The following ERC1 variants were observed in gnomAD, a reference collection of about 807,000 sequenced individuals.
ERC1 encodes the protein RAB6 interacting protein 2.
Under a neutral mutation model 132.0 loss-of-function variants are expected in ERC1, and 56 were observed. That is an observed-to-expected ratio of 0.42 (90% CI 0.34 to 0.53). The LOEUF (loss-of-function observed/expected upper bound fraction) is 0.53. Among genes scored for constraint, ERC1 ranks in the 20% least tolerant of loss-of-function variants. The pLI, the probability that ERC1 is intolerant of heterozygous loss-of-function variation, is 0.03. For synonymous variants in ERC1, 478 were observed against 476.1 expected, an observed-to-expected ratio of 1.00 and a Z score of -0.05; for missense variants, 1,202 against 1,349.9, an observed-to-expected ratio of 0.89 and a Z score of 1.72.
intron 2 of ERC1, among the ~76,000 whole-genome samples, chr12:1,078,744 G>A (rs576704422): frequency 2.0e-5 from 3 of 152,186 alleles, no homozygotes; most frequent in African/African-American, 7.2e-5. Context: ...ATAACAAAAT[G>A]GGCAAAGAAC....
chr12:1,178,605 A>G (rs901177928), intron 8 of ERC1, among the ~76,000 whole-genome samples: 1 of 152,154 alleles, frequency 6.6e-6, no homozygotes, highest in African/African-American at 2.4e-5. Context: ...ACAGACAATG[A>G]TCAGGTTTTT....
intron 8 of ERC1, among the ~76,000 whole-genome samples, chr12:1,175,822 A>C (rs1445144397): frequency 1.3e-5 from 2 of 152,190 alleles, no homozygotes; most frequent in East Asian, 3.8e-4. Flanking sequence ...GGTGTGAGCC[A>C]CTGCGCCTGG....
At chr12:1,282,658 A>T (rs1218001376) in intron 14 of ERC1, among the ~76,000 whole-genome samples, 1 of 152,234 alleles carries the variant, frequency 6.6e-6, no homozygotes, top group Non-Finnish European at 1.5e-5. Context: ...CTAGGAAAGG[A>T]TGATAGAATT....
intron 15 of ERC1, among the ~76,000 whole-genome samples, chr12:1,296,561 G>T (rs930826341): frequency 2.6e-5 from 4 of 151,894 alleles, no homozygotes; most frequent in African/African-American, 9.7e-5. Flanking sequence ...TTACAGGCAT[G>T]CGCCATCACA....
At chr12:1,315,750 AG>A (rs1247622422) in intron 15 of ERC1, among the ~76,000 whole-genome samples, 1 of 152,206 alleles carries the variant, frequency 6.6e-6, no homozygotes, top group South Asian at 2.1e-4. Flanking sequence ...AGCGAGAGAG[AG>A]GAAAGAAGAG....
At chr12:1,378,964 A>C (rs2088281750) in intron 16 of ERC1, among the ~76,000 whole-genome samples, 1 of 152,206 alleles carries the variant, frequency 6.6e-6, no homozygotes, top group East Asian at 1.9e-4. Flanking sequence ...ATCACAAAGA[A>C]CACTACTTGC....
chr12:1,116,015 T>C lies in ERC1; in HGVS notation c.1551T>C (p.Ala517=). The change falls in exon 7 of 19, where the codon GCT becomes GCC. Residue 517 remains alanine, a synonymous_variant. Transcript: ENST00000360905. ...KESLTAKEQR[A]AILQTEVDAL... ...CCTTGACTGCTAAGGAGCAGAGGGC[T>C]GCCATCCTGCAGACTGAGGTAGAAA... is the stretch of plus-strand genomic sequence containing the variant. The C allele has an allele frequency of 6.2e-7, 1 of 1,612,546 alleles. No individual in the cohort carries two copies. Among genetic ancestry groups the C allele is most frequent in the Non-Finnish European group, 8.5e-7 (1 of 1,179,342 alleles).
At chr12:1,250,179 T>G (rs2076385450) in intron 13 of ERC1, among the ~76,000 whole-genome samples, 1 of 152,244 alleles carries the variant, frequency 6.6e-6, no homozygotes, top group African/African-American at 2.4e-5. Context: ...TTGGTTTCTT[T>G]GAATATAACA....
intron 3 of ERC1, among the ~76,000 whole-genome samples, chr12:1,101,185 A>C (rs952396401): frequency 6.6e-6 from 1 of 152,186 alleles, no homozygotes; most frequent in African/African-American, 2.4e-5. Context: ...GGGACCAAAT[A>C]TGTTATTTCT....
chr12:1,345,717 A>C (rs1018388690), intron 15 of ERC1, among the ~76,000 whole-genome samples: 1 of 151,710 alleles, frequency 6.6e-6, no homozygotes, highest in Non-Finnish European at 1.5e-5. Flanking sequence ...TTATTTTATA[A>C]CTCCCAGGCT....
At chr12:1,204,376 A>G in intron 12 of ERC1, 8 of 664,360 alleles carry the variant, frequency 1.2e-5, no homozygotes, top group Non-Finnish European at 2.0e-5. Context: ...AGAATTTGTG[A>G]CTCCTTCCCT....
intron 15 of ERC1, among the ~76,000 whole-genome samples, chr12:1,360,689 CA>C (rs2086005698): frequency 6.6e-6 from 1 of 152,056 alleles, no homozygotes; most frequent in South Asian, 2.1e-4. Flanking sequence ...TGTAACTTCC[CA>C]AAATTAATTC....
chr12:1,252,929 G>A (rs1414032866), intron 13 of ERC1, among the ~76,000 whole-genome samples: 4 of 152,176 alleles, frequency 2.6e-5, no homozygotes, highest in African/African-American at 7.2e-5. Context: ...ATGGGGAAGA[G>A]GGAGGCAGAA....
At chr12:1,113,250 C>T (rs553627459) in intron 6 of ERC1, among the ~76,000 whole-genome samples, 11 of 152,210 alleles carry the variant, frequency 7.2e-5, no homozygotes, top group African/African-American at 2.4e-4. Context: ...CCATGGATAC[C>T]GAGGGATGGC....
At chr12:1,099,668 C>T (rs1944432180) in intron 3 of ERC1, among the ~76,000 whole-genome samples, 1 of 151,824 alleles carries the variant, frequency 6.6e-6, no homozygotes, top group Non-Finnish European at 1.5e-5. Context: ...TGATATACAT[C>T]AGAGAATAAA....
chr12:1,410,530 A>G, intron 17 of ERC1: 1 of 492,922 alleles, frequency 2.0e-6, no homozygotes, highest in South Asian at 1.9e-5. Context: ...TAACTCTCAC[A>G]TCTCATTTCT....
chr12:1,450,117 C>T lies in ERC1; in HGVS notation c.3213+5367C>T, dbSNP rs143580848. 4.8e-4 allele frequency among the ~76,000 whole-genome samples: 73 copies of T among 152,228 alleles called. No individual in the cohort carries two copies. In the East Asian group the frequency reaches 0.012, roughly 24 times the overall value. ...TCCATATATTATAAAAGCCATAGTA[C>T]ATTGTTACTGTTTTTGCTTTAAATC... On this transcript the variant is annotated intron_variant, in intron 18 of 18. Transcript: ENST00000360905.
rs1306425849 is a variant in ERC1, at chr12:1,355,370, G to A, written c.2781-16463G>A. 2.6e-5 allele frequency among the ~76,000 whole-genome samples: 4 copies of A among 151,520 alleles called. No homozygotes were observed. In the East Asian group the frequency reaches 5.8e-4, roughly 22 times the overall value. On this transcript the variant is annotated intron_variant, in intron 15 of 18. Coordinates refer to ENST00000360905, the MANE Select transcript of ERC1 (RefSeq NM_178040.4). ...AATGGAAAAGCCATTCTTTGCTCAT[G>A]GGCCATGGGCTGGCTTTGACCATGA...
intron 1 of ERC1, among the ~76,000 whole-genome samples, chr12:1,018,950 T>A (rs745886879): frequency 6.6e-6 from 1 of 152,098 alleles, no homozygotes; most frequent in Non-Finnish European, 1.5e-5. Context: ...AGTTAGCCAG[T>A]TGATGGGGCA....
Sources: gnomAD v4.1 joint callset for allele counts (sites outside exome capture counted in the v4.1 genomes callset) on GRCh38, gnomAD v4.1.1 for gene constraint, MANE v1.5 for transcripts, NCBI Gene and HGNC (gene_info 2026-07-23, HGNC 2026-07-21) for gene names.